Variants in RFX3 observed in about 807,000 individuals in gnomAD.
RFX3 encodes the protein regulatory factor X3, also known as transcription factor RFX3.
A neutral mutation model predicts 98.6 loss-of-function variants in RFX3; 14 were observed. That is an observed-to-expected ratio of 0.14 (90% CI 0.09 to 0.22). RFX3 has a LOEUF of 0.22. Ranked by LOEUF, RFX3 falls within the 10% of genes least tolerant of loss-of-function variation. The probability of loss-of-function intolerance (pLI) is 1.00; values close to 1 mark genes in which losing one functional copy is unlikely to be tolerated. For synonymous variants in RFX3, 383 were observed against 328.4 expected, an observed-to-expected ratio of 1.17 and a Z score of -1.80; for missense variants, 639 against 926.9, an observed-to-expected ratio of 0.69 and a Z score of 4.03.
At chr9:3,441,308 TGA>T (rs562907863) in intron 1 of RFX3, among the ~76,000 whole-genome samples, 195 of 145,946 alleles carry the variant, frequency 1.3e-3, no homozygotes, top group Non-Finnish European at 1.3e-3. Context: ...GCTACAGAAT[TGA>T]GAGAGAGAGA....
At position 3,315,252 on chromosome 9, in the gene RFX3, A is replaced by G. The variant is rs529742182; in HGVS notation, c.475-13632T>C. On this transcript the variant is annotated intron_variant, in intron 4 of 16. Transcript: ENST00000617270. ...AAACTGCTCAACTACATGGAAACTG[A>G]ACAACCTGCTCCTGAATGACTACTG... 2.0e-5 allele frequency among the ~76,000 whole-genome samples: 3 copies of G among 151,726 alleles called. No individual in the cohort carries two copies. In the South Asian group the frequency reaches 6.2e-4, roughly 32 times the overall value.
rs766908661 is a variant in RFX3 at position 3,228,827 on chromosome 9, A to G, written c.2011+20T>C. 6.3e-7 allele frequency: 1 copy of G among 1,595,960 alleles called. No individual in the cohort carries two copies. The highest frequency in any genetic ancestry group is 1.1e-5 in the South Asian group (1 of 88,664). ...TAATAAATAAAAGTTCTTAAAATGT[A>G]CATTATTTTCGATTCTTACCTTTAT... On this transcript the variant is annotated intron_variant, in intron 16 of 16. Transcript: ENST00000617270.
chr9:3,399,701 C>T (rs1467875524), intron 1 of RFX3, among the ~76,000 whole-genome samples: 1 of 151,986 alleles, frequency 6.6e-6, no homozygotes, highest in Non-Finnish European at 1.5e-5. Context: ...CTTGTAATCC[C>T]AGCACTTTGG....
chr9:3,405,944 TG>T (rs1191442396), intron 1 of RFX3, among the ~76,000 whole-genome samples: 1 of 151,992 alleles, frequency 6.6e-6, no homozygotes, highest in Non-Finnish European at 1.5e-5. Context: ...CTGGGGCATT[TG>T]GTTTTTTGTC....
At position 3,221,934 on chromosome 9, in the gene RFX3, A is replaced by G. The variant is rs779391944; in HGVS notation, c.*3108T>C. 1.9e-4 allele frequency: 29 copies of G among 152,176 alleles called. No homozygotes were observed. Among genetic ancestry groups the G allele is most frequent in the Non-Finnish European group, 3.4e-4 (23 of 68,014 alleles). The allele number at this position is 152,176 out of a possible 1,614,324, so 9.4% of individuals were successfully genotyped here. ...TAGTGATTGGTTATAATTGCAAGAA[A>G]TACAAAGAAGTCTTAAAATGTGTAC... On this transcript the variant is annotated 3_prime_UTR_variant, in exon 17 of 17. Transcript: ENST00000617270.
chr9:3,275,259 G>T (rs769752861), intron 9 of RFX3, among the ~76,000 whole-genome samples: 2 of 152,006 alleles, frequency 1.3e-5, no homozygotes, highest in Admixed American at 6.6e-5. Context: ...TACGCCAAAG[G>T]ATTCATATTA....
chr9:3,495,433 T>A (rs1275227107), intron 1 of RFX3, among the ~76,000 whole-genome samples: 1 of 152,084 alleles, frequency 6.6e-6, no homozygotes, highest in East Asian at 1.9e-4. Context: ...CAGCTATCAA[T>A]AGAATATATT....
chr9:3,414,586 G>GGT (rs1842737763), intron 1 of RFX3, among the ~76,000 whole-genome samples: 1 of 147,030 alleles, frequency 6.8e-6, no homozygotes, highest in Non-Finnish European at 1.5e-5. Flanking sequence ...ACTGCAATGT[G>GGT]GTATATATAT....
At chr9:3,498,226 C>A (rs1273829426) in intron 1 of RFX3, among the ~76,000 whole-genome samples, 1 of 151,988 alleles carries the variant, frequency 6.6e-6, no homozygotes, top group Non-Finnish European at 1.5e-5. Flanking sequence ...ATCACCGATA[C>A]TTTTACTGTC....
intron 1 of RFX3, among the ~76,000 whole-genome samples, chr9:3,438,585 G>T (rs1282051770): frequency 6.6e-6 from 1 of 151,448 alleles, no homozygotes. Context: ...AAATTAAAAG[G>T]CAGAGGTTAA....
At chr9:3,477,957 T>C (rs918252897) in intron 1 of RFX3, among the ~76,000 whole-genome samples, 4 of 152,150 alleles carry the variant, frequency 2.6e-5, no homozygotes, top group African/African-American at 9.6e-5. Flanking sequence ...ATTTCAGTTA[T>C]TATACTTTTA....
intron 1 of RFX3, among the ~76,000 whole-genome samples, chr9:3,478,426 T>C (rs1849459355): frequency 6.6e-6 from 1 of 151,868 alleles, no homozygotes; most frequent in Non-Finnish European, 1.5e-5. Context: ...TTTTTTTTTT[T>C]TTAGGATCTT....
chr9:3,493,781 A>C (rs564175418), intron 1 of RFX3, among the ~76,000 whole-genome samples: 1 of 150,470 alleles, frequency 6.6e-6, no homozygotes, highest in African/African-American at 2.4e-5. Context: ...TTAAGGTCCA[A>C]ATCCTAAGCC....
chr9:3,225,696 T>A (rs573228998), intron 16 of RFX3, among the ~76,000 whole-genome samples: 2 of 152,278 alleles, frequency 1.3e-5, no homozygotes, highest in East Asian at 3.9e-4. Context: ...CCTCCAAAAA[T>A]CTACACTAAA....
intron 1 of RFX3, among the ~76,000 whole-genome samples, chr9:3,443,668 A>G (rs1296929811): frequency 6.6e-6 from 1 of 152,132 alleles, no homozygotes; most frequent in South Asian, 2.1e-4. Context: ...ATAAATATAC[A>G]CATGCGTGTA....
At chr9:3,268,678 T>A (rs1823982906) in intron 11 of RFX3, among the ~76,000 whole-genome samples, 1 of 151,864 alleles carries the variant, frequency 6.6e-6, no homozygotes, top group Non-Finnish European at 1.5e-5. Context: ...CAAATCAAAA[T>A]TTGCAAAAGA....
intron 1 of RFX3, among the ~76,000 whole-genome samples, chr9:3,464,307 G>A (rs549724547): frequency 3.2e-4 from 49 of 152,204 alleles, no homozygotes; most frequent in African/African-American, 1.2e-3. Flanking sequence ...AAAAACATAT[G>A]TCCATAAAAA....
chr9:3,517,111 C>A (rs917655614), intron 1 of RFX3, among the ~76,000 whole-genome samples: 1 of 152,258 alleles, frequency 6.6e-6, no homozygotes, highest in African/African-American at 2.4e-5. Flanking sequence ...AAGGGAAATG[C>A]CAATTCCTGG....
chr9:3,445,011 T>G (rs879650470), intron 1 of RFX3, among the ~76,000 whole-genome samples: 2 of 152,144 alleles, frequency 1.3e-5, no homozygotes, highest in Admixed American at 1.3e-4. Context: ...ACAGAACAGA[T>G]AGTTTGTACT....
Sources: allele counts gnomAD v4.1 joint callset (sites outside exome capture counted in the v4.1 genomes callset), GRCh38; gene constraint gnomAD v4.1.1; transcripts MANE v1.5; gene names NCBI Gene and HGNC (gene_info 2026-07-23, HGNC 2026-07-21).